Variants in MID1 observed in about 807,000 individuals in gnomAD.
MID1 encodes the protein E3 ubiquitin-protein ligase Midline-1.
Under a neutral mutation model 40.4 loss-of-function variants are expected in MID1, and 7 were observed. The observed-to-expected ratio is 0.17, with a 90% CI of 0.10 to 0.33. MID1 has a LOEUF of 0.33. Among genes scored for constraint, MID1 ranks in the 10% least tolerant of loss-of-function variants. The pLI is 1.00. For synonymous variants in MID1, 229 were observed against 221.2 expected (o/e 1.04, Z -0.31); for missense variants, 367 against 558.5 (o/e 0.66, Z 3.46).
At chrX:10,758,831 T>G (rs1438264345) in intron 1 of MID1, among the ~76,000 whole-genome samples, 1 of 111,479 alleles carries the variant, frequency 9.0e-6, no homozygotes, top group Non-Finnish European at 1.9e-5. Context: ...CAAATTTAAC[T>G]AAAAGGGATT....
At chrX:10,536,102 A>G (rs2706265) in intron 2 of MID1, among the ~76,000 whole-genome samples, 38,930 of 108,858 alleles carry the variant, frequency 0.36, 5,540 homozygotes, top group African/African-American at 0.42. Context: ...GCATGCACCT[A>G]TAGTCCCAGC....
intron 1 of MID1, among the ~76,000 whole-genome samples, chrX:10,614,488 C>T (rs1448291503): frequency 8.9e-6 from 1 of 112,151 alleles, no homozygotes; most frequent in Non-Finnish European, 1.9e-5. Flanking sequence ...CCAGGCTCCA[C>T]TGCTTGAAAT....
At chrX:10,601,683 C>A (rs954370376) in intron 1 of MID1, among the ~76,000 whole-genome samples, 7 of 111,400 alleles carry the variant, frequency 6.3e-5, no homozygotes, top group African/African-American at 2.0e-4. Flanking sequence ...GTCACATGAT[C>A]CTGCTCTGAC....
chrX:10,821,679 A>ATTTTT (rs1460105058), intron 1 of MID1, among the ~76,000 whole-genome samples: 1 of 112,091 alleles, frequency 8.9e-6, no homozygotes, highest in Non-Finnish European at 1.9e-5. Flanking sequence ...CTCATTTCTT[A>ATTTTT]TTTTTTGATT....
intron 1 of MID1, among the ~76,000 whole-genome samples, chrX:10,661,851 A>G (rs2042915983): frequency 8.9e-6 from 1 of 111,904 alleles, no homozygotes; most frequent in South Asian, 3.7e-4. Context: ...CGAATTTTCA[A>G]CTTGTTCAGA....
intron 8 of MID1, among the ~76,000 whole-genome samples, chrX:10,456,374 T>C (rs958481010): frequency 1.8e-5 from 2 of 112,588 alleles, no homozygotes; most frequent in Admixed American, 1.9e-4. Context: ...TTTGTGACTA[T>C]TCAACTCTTC....
chrX:10,644,951 C>G (rs750582236), intron 1 of MID1, among the ~76,000 whole-genome samples: 1 of 111,990 alleles, frequency 8.9e-6, no homozygotes, highest in South Asian at 3.8e-4. Flanking sequence ...TTGTCATTGC[C>G]GTGATTGAAG....
At chrX:10,632,700 A>G (rs936354655) in intron 1 of MID1, among the ~76,000 whole-genome samples, 1 of 110,915 alleles carries the variant, frequency 9.0e-6, no homozygotes, top group Admixed American at 9.6e-5. Context: ...TTGGTTTTGG[A>G]AATGCTTCTG....
chrX:10,734,419 GA>G (rs2043473818), intron 1 of MID1, among the ~76,000 whole-genome samples: 1 of 110,456 alleles, frequency 9.1e-6, no homozygotes, highest in Non-Finnish European at 1.9e-5. Context: ...GAGAGGAGCA[GA>G]AAAGAAAACT....
chrX:10,593,804 C>CACACA (rs59220831), intron 1 of MID1, among the ~76,000 whole-genome samples: 2 of 105,752 alleles, frequency 1.9e-5, no homozygotes, highest in African/African-American at 3.5e-5. Context: ...CACACACACA[C>CACACA]CACTTTTTCT....
At chrX:10,777,146 T>C (rs1382038439) in intron 1 of MID1, among the ~76,000 whole-genome samples, 2 of 112,205 alleles carry the variant, frequency 1.8e-5, no homozygotes, top group African/African-American at 3.2e-5. Context: ...TGAGGCAAGG[T>C]TTCACTGAGG....
At chrX:10,814,157 A>G (rs1225268873) in intron 1 of MID1, among the ~76,000 whole-genome samples, 1 of 111,848 alleles carries the variant, frequency 8.9e-6, no homozygotes, top group Non-Finnish European at 1.9e-5. Flanking sequence ...AGAGGTGGGC[A>G]GTGTGGATTT....
intron 1 of MID1, among the ~76,000 whole-genome samples, chrX:10,826,885 A>G (rs1245348731): frequency 8.9e-6 from 1 of 111,950 alleles, no homozygotes; most frequent in African/African-American, 3.2e-5. Context: ...TTATTGAACA[A>G]ATGTAAAGCT....
downstream of MID1, chrX:10,445,318 T>C (rs1927987181): frequency 8.9e-6 from 1 of 112,283 alleles, no homozygotes; most frequent in Admixed American, 9.4e-5. Flanking sequence ...TCCACTTCTA[T>C]ATAGGCTTTC....
intron 3 of MID1, among the ~76,000 whole-genome samples, chrX:10,515,807 G>T (rs895140046): frequency 8.9e-6 from 1 of 112,062 alleles, no homozygotes; most frequent in African/African-American, 3.2e-5. Flanking sequence ...AAGTGTCAAG[G>T]TGTTGTATTT....
chrX:10,455,405 A>C (rs1928600460), intron 8 of MID1, among the ~76,000 whole-genome samples: 1 of 111,804 alleles, frequency 8.9e-6, no homozygotes, highest in Non-Finnish European at 1.9e-5. Flanking sequence ...GTTCTAAGAT[A>C]GGGATCCAGT....
At chrX:10,790,475 C>T (rs1220639183) in intron 1 of MID1, among the ~76,000 whole-genome samples, 1 of 110,316 alleles carries the variant, frequency 9.1e-6, no homozygotes, top group Non-Finnish European at 1.9e-5. Flanking sequence ...TTGGGTTTGG[C>T]CATTAGGCAG....
chrX:10,804,883 A>C (rs1323620041), intron 1 of MID1, among the ~76,000 whole-genome samples: 2 of 111,177 alleles, frequency 1.8e-5, no homozygotes, highest in African/African-American at 3.3e-5. Flanking sequence ...TTATTTCAAA[A>C]TGGTTACTTT....
At chrX:10,642,645 C>A (rs1936213401) in intron 1 of MID1, among the ~76,000 whole-genome samples, 1 of 110,485 alleles carries the variant, frequency 9.1e-6, no homozygotes, top group African/African-American at 3.4e-5. Flanking sequence ...ACTTTCTTCA[C>A]AGAATTGGAA....
Sources: gnomAD v4.1 joint callset for allele counts (sites outside exome capture counted in the v4.1 genomes callset) on GRCh38, gnomAD v4.1.1 for gene constraint, MANE v1.5 for transcripts, NCBI Gene and HGNC (gene_info 2026-07-23, HGNC 2026-07-21) for gene names.